The following PRICKLE2 variants were observed in gnomAD, a reference collection of about 807,000 sequenced individuals.
The protein encoded by PRICKLE2 is prickle-like protein 2.
Under a neutral mutation model 81.4 loss-of-function variants are expected in PRICKLE2, and 21 were observed. That is an observed-to-expected ratio of 0.26 (90% CI 0.18 to 0.37). The LOEUF is 0.37. Ranked by LOEUF, PRICKLE2 falls within the 10% of genes least tolerant of loss-of-function variation. PRICKLE2 has a pLI of 1.00. For synonymous variants in PRICKLE2, 456 were observed against 421.5 expected (o/e 1.08, Z -1.00); for missense variants, 940 against 1,109.0 (o/e 0.85, Z 2.16).
intron 3 of PRICKLE2, 137 bp downstream of exon 3, chr3:64,162,879 T>A: frequency 1.3e-6 from 1 of 772,780 alleles, no homozygotes; most frequent in Non-Finnish European, 2.4e-6. Flanking sequence ...ATTTTGGCCC[T>A]AATTAAGGAA....
chr3:64,188,396 G>C (rs903524182), intron 2 of PRICKLE2, among the ~76,000 whole-genome samples: 1 of 152,178 alleles, frequency 6.6e-6, no homozygotes, highest in African/African-American at 2.4e-5. Flanking sequence ...TGGCTCTCAA[G>C]CTTTGTCATG....
chr3:64,198,242 AT>A (rs2078498726), intron 2 of PRICKLE2, among the ~76,000 whole-genome samples: 2 of 143,996 alleles, frequency 1.4e-5, no homozygotes, highest in Non-Finnish European at 3.0e-5. Context: ...AAATAAATAA[AT>A]AAATAAATAA....
At chr3:64,240,853 T>C (rs2107170821) in intron 2 of PRICKLE2, among the ~76,000 whole-genome samples, 1 of 152,266 alleles carries the variant, frequency 6.6e-6, no homozygotes, top group South Asian at 2.1e-4. Context: ...GGAGAACCAA[T>C]GGTCTAAATA....
chr3:64,115,848 T>C (rs886634527), intron 7 of PRICKLE2, among the ~76,000 whole-genome samples: 2 of 152,162 alleles, frequency 1.3e-5, no homozygotes, highest in African/African-American at 4.8e-5. Context: ...CAAGCAGACC[T>C]GATAGATATC....
chr3:64,125,051 G>T (rs1295216949), intron 7 of PRICKLE2, among the ~76,000 whole-genome samples: 2 of 152,140 alleles, frequency 1.3e-5, no homozygotes, highest in Non-Finnish European at 2.9e-5. Context: ...CATGAGAGGA[G>T]GTTAAAATAT....
At chr3:64,212,706 G>A (rs2078808704) in intron 1 of PRICKLE2, among the ~76,000 whole-genome samples, 1 of 152,116 alleles carries the variant, frequency 6.6e-6, no homozygotes, top group African/African-American at 2.4e-5. Context: ...TTGCCACTAG[G>A]ATTTAACAAC....
At chr3:64,122,173 T>A (rs1322651914) in intron 7 of PRICKLE2, among the ~76,000 whole-genome samples, 1 of 152,190 alleles carries the variant, frequency 6.6e-6, no homozygotes, top group Non-Finnish European at 1.5e-5. Context: ...GGTTCCTAGA[T>A]AACCAGGGGG....
In PRICKLE2 at chr3:64,099,831, C is replaced by G. The variant is rs151240483; in HGVS notation, c.1755G>C (p.Glu585Asp). The change falls in exon 8 of 8, where the codon GAG (glutamate) becomes GAC (aspartate). Residue 585 changes from glutamate (E) to aspartate (D), a missense_variant. Transcript: ENST00000638394. This position sits in a 1 kb window ranked among gnomAD's most constrained non-coding sequence, Gnocchi z 4.3. ...LSKDSGMNVS[E>D]KLSNMGTLNS... Reference sequence around the variant, plus strand: ...TAAGAGTGCCCATGTTGCTCAGCTTCTCAGACACATTCATTCCAGAGTCTT... The same window carrying G: ...TAAGAGTGCCCATGTTGCTCAGCTTGTCAGACACATTCATTCCAGAGTCTT... The G allele has an allele frequency of 1.2e-6, 2 of 1,614,200 alleles. No individual in the cohort carries two copies. Among genetic ancestry groups the G allele is most frequent in the Non-Finnish European group, 1.7e-6 (2 of 1,180,028 alleles).
intron 1 of PRICKLE2, among the ~76,000 whole-genome samples, chr3:64,222,172 C>T (rs527519632): frequency 2.2e-4 from 33 of 152,238 alleles, no homozygotes; most frequent in African/African-American, 7.2e-4. Context: ...ACTTTATTTC[C>T]AATATTCATA....
chr3:64,207,510 C>G (rs879484627), intron 1 of PRICKLE2, among the ~76,000 whole-genome samples: 5 of 152,102 alleles, frequency 3.3e-5, no homozygotes, highest in Non-Finnish European at 7.4e-5. Context: ...TGGCCGGTAA[C>G]GACAAGACAT....
At chr3:64,142,313 CTTTTTT>C (rs397936636) in intron 7 of PRICKLE2, among the ~76,000 whole-genome samples, 1 of 132,770 alleles carries the variant, frequency 7.5e-6, no homozygotes, top group Non-Finnish European at 1.6e-5. Flanking sequence ...TTCTTTCTTT[CTTTTTT>C]TTTTTTTTTT....
At chr3:64,256,290 C>T (rs1376496799) in intron 2 of PRICKLE2, among the ~76,000 whole-genome samples, 2 of 152,176 alleles carry the variant, frequency 1.3e-5, no homozygotes, top group East Asian at 3.9e-4. Context: ...GAGACAGTAA[C>T]TCTAAACCTC....
chr3:64,178,723 C>T (rs2078065880), intron 2 of PRICKLE2, among the ~76,000 whole-genome samples: 1 of 152,200 alleles, frequency 6.6e-6, no homozygotes, highest in Non-Finnish European at 1.5e-5. Context: ...CACTGAATTT[C>T]TGAATACTAA....
intron 2 of PRICKLE2, among the ~76,000 whole-genome samples, chr3:64,239,700 T>C (rs7641821): frequency 0.53 from 79,945 of 152,012 alleles, 23,065 homozygotes; most frequent in Non-Finnish European, 0.64. Context: ...GTTATACCTA[T>C]GGTTGCTTAT....
At chr3:64,207,330 A>G (rs1269029277) in intron 1 of PRICKLE2, among the ~76,000 whole-genome samples, 1 of 152,206 alleles carries the variant, frequency 6.6e-6, no homozygotes, top group Non-Finnish European at 1.5e-5. Context: ...AAAATCAGAA[A>G]CTACAGATAA....
chr3:64,159,417 C>T (rs1027085094), intron 4 of PRICKLE2, among the ~76,000 whole-genome samples: 45 of 152,240 alleles, frequency 3.0e-4, no homozygotes, highest in African/African-American at 1.1e-3. Context: ...TGCCATTGCT[C>T]TGCTCAATTC....
chr3:64,178,981 TTCTTTC>T (rs1004534400), intron 2 of PRICKLE2, among the ~76,000 whole-genome samples: 2 of 131,512 alleles, frequency 1.5e-5, no homozygotes, highest in African/African-American at 6.0e-5. Context: ...CTTTCTTTCT[TTCTTTC>T]TTTCTTTCTT....
chr3:64,237,553 C>T (rs866449039), intron 2 of PRICKLE2, among the ~76,000 whole-genome samples: 1 of 152,258 alleles, frequency 6.6e-6, no homozygotes. Context: ...GCCACTCCAC[C>T]TCTCTGCCCT....
chr3:64,184,661 G>A (rs2078190422), intron 2 of PRICKLE2, among the ~76,000 whole-genome samples: 1 of 151,906 alleles, frequency 6.6e-6, no homozygotes, highest in African/African-American at 2.4e-5. Flanking sequence ...AATTTGAGAT[G>A]GAATCTCGCT....
Sources: allele counts gnomAD v4.1 joint callset (sites outside exome capture counted in the v4.1 genomes callset), GRCh38; gene constraint gnomAD v4.1.1; non-coding constraint Gnocchi (gnomAD v3.1); transcripts MANE v1.5; gene names NCBI Gene and HGNC (gene_info 2026-07-23, HGNC 2026-07-21).